The following NCBP1 variants were observed in gnomAD, a reference collection of about 807,000 sequenced individuals.
The protein encoded by NCBP1 is nuclear cap-binding protein subunit 1.
A neutral mutation model predicts 111.7 loss-of-function variants in NCBP1; 16 were observed. The ratio of observed to expected loss-of-function variants is 0.14; its 90% confidence interval spans 0.10 to 0.22. The LOEUF (loss-of-function observed/expected upper bound fraction) is 0.22. Ranked by LOEUF, NCBP1 falls within the 10% of genes least tolerant of loss-of-function variation. The pLI is 1.00. For missense variants in NCBP1, 607 were observed against 957.5 expected, an observed-to-expected ratio of 0.63 and a Z score of 4.83; for synonymous variants, 304 against 314.3, an observed-to-expected ratio of 0.97 and a Z score of 0.35.
chr9:97,658,786 T>C, intron 15 of NCBP1, 43 bp downstream of exon 15: 1 of 1,397,048 alleles, frequency 7.2e-7, no homozygotes, highest in Non-Finnish European at 1.0e-6. Context: ...AAGGTACCAG[T>C]TCAAGTATAT....
intron 8 of NCBP1, 33 bp downstream of exon 8, chr9:97,648,256 C>G: frequency 6.3e-7 from 1 of 1,589,888 alleles, no homozygotes; most frequent in African/African-American, 1.3e-5. Flanking sequence ...TAGATATTGA[C>G]CTGTGTTGCA....
intron 21 of NCBP1, 34 bp downstream of exon 21, chr9:97,669,008 AAAC>A: frequency 6.4e-7 from 1 of 1,554,500 alleles, no homozygotes; most frequent in Non-Finnish European, 8.7e-7. Flanking sequence ...ACATAAAAGG[AAAC>A]AATACATTTC....
intron 14 of NCBP1, among the ~76,000 whole-genome samples, chr9:97,656,304 G>A (rs556014771): frequency 7.2e-5 from 11 of 152,322 alleles, no homozygotes; most frequent in South Asian, 4.1e-4. Flanking sequence ...GTCACAGGCC[G>A]GGCGCAGTGG....
intron 8 of NCBP1, among the ~76,000 whole-genome samples, chr9:97,649,689 A>G (rs1350579803): frequency 6.6e-6 from 1 of 152,036 alleles, no homozygotes; most frequent in African/African-American, 2.4e-5. Context: ...AGATATGTCT[A>G]ACTGAAAATC....
chr9:97,655,011 T>C (rs1334218235), intron 12 of NCBP1, 67 bp downstream of exon 12: 2 of 1,273,556 alleles, frequency 1.6e-6, no homozygotes, highest in Non-Finnish European at 2.1e-6. Context: ...ATAAAGGAAT[T>C]TGAGAAAGAC....
intron 1 of NCBP1, chr9:97,634,389 G>C (rs1309697759): frequency 6.3e-6 from 1 of 158,304 alleles, no homozygotes; most frequent in African/African-American, 2.4e-5. Flanking sequence ...GTTATCCGTT[G>C]ATTTCACTTC....
chr9:97,668,260 A>G (rs968910319), intron 20 of NCBP1, among the ~76,000 whole-genome samples: 1 of 152,188 alleles, frequency 6.6e-6, no homozygotes, highest in African/African-American at 2.4e-5. Context: ...ATGGAAATAA[A>G]CCATGCCTTG....
intron 3 of NCBP1, among the ~76,000 whole-genome samples, chr9:97,642,137 G>A (rs1827222133): frequency 6.6e-6 from 1 of 152,022 alleles, no homozygotes. Flanking sequence ...TCCATGAGGT[G>A]TTTTTAAATT....
At chr9:97,642,581 A>G (rs1827232559) in intron 3 of NCBP1, among the ~76,000 whole-genome samples, 1 of 152,132 alleles carries the variant, frequency 6.6e-6, no homozygotes, top group Non-Finnish European at 1.5e-5. Context: ...AATAACTTTA[A>G]TGAAATCAGC....
chr9:97,640,444 G>A (rs140135569), intron 1 of NCBP1, among the ~76,000 whole-genome samples: 2,586 of 152,192 alleles, frequency 0.017, 73 homozygotes, highest in African/African-American at 0.06. Flanking sequence ...TAAAAGAATG[G>A]GAGTAGCGGT....
At chr9:97,661,156 A>T in intron 16 of NCBP1, 88 bp downstream of exon 16, 1 of 1,525,528 alleles carries the variant, frequency 6.6e-7, no homozygotes, top group Non-Finnish European at 8.9e-7. Context: ...ATGCTCTTAA[A>T]GCAATATATC....
In NCBP1 at chr9:97,641,633, G is replaced by A. The variant is rs1564018148; in HGVS notation, c.195G>A (p.Lys65=). 1 of 1,608,652 alleles carries A rather than the reference G, an allele frequency of 6.2e-7. No homozygotes were observed. The highest frequency in any genetic ancestry group is 8.5e-7 in the Non-Finnish European group (1 of 1,175,696). Residue 65 remains lysine, a synonymous_variant, in exon 3 of 23, where the codon AAG becomes AAA. Transcript: ENST00000375147. ...TGGAAGCTGATCTTCCTAACTACAA[G>A]AGCAAGATCTTAAGGCTTCTTTGTA... is the stretch of plus-strand genomic sequence containing the variant. ...GVLEADLPNY[K]SKILRLLCTV... is the part of the protein sequence containing the mutation.
intron 5 of NCBP1, among the ~76,000 whole-genome samples, 162 bp from the exon 6 acceptor site, chr9:97,645,449 A>G (rs773737538): frequency 6.6e-6 from 1 of 152,224 alleles, no homozygotes; most frequent in Non-Finnish European, 1.5e-5. Context: ...GATGCTGTCT[A>G]GTAAGATTAG....
chr9:97,650,376 T>C (rs1827466710), intron 8 of NCBP1, 127 bp from the exon 9 acceptor site: 2 of 600,884 alleles, frequency 3.3e-6, no homozygotes, highest in Non-Finnish European at 5.7e-6. Context: ...GCTTTAACAC[T>C]TCAGAACTTT....
intron 14 of NCBP1, among the ~76,000 whole-genome samples, chr9:97,656,320 G>A (rs565144243): frequency 2.6e-5 from 4 of 152,240 alleles, no homozygotes; most frequent in Non-Finnish European, 5.9e-5. Context: ...AGTGGCTCAC[G>A]CCTGTAATCC....
chr9:97,655,907 T>G, intron 13 of NCBP1, 104 bp from the exon 14 acceptor site: 1 of 1,359,230 alleles, frequency 7.4e-7, no homozygotes, highest in Non-Finnish European at 1.0e-6. Context: ...AATTATAACT[T>G]AACAAAACTT....
At chr9:97,640,242 TC>T (rs1388632120) in intron 1 of NCBP1, among the ~76,000 whole-genome samples, 2 of 152,200 alleles carry the variant, frequency 1.3e-5, no homozygotes, top group Non-Finnish European at 2.9e-5. Context: ...TGCTCCTTTT[TC>T]CCATCTTTTG....
chr9:97,658,956 C>G (rs957475540), intron 15 of NCBP1, among the ~76,000 whole-genome samples: 1 of 152,174 alleles, frequency 6.6e-6, no homozygotes, highest in Non-Finnish European at 1.5e-5. Flanking sequence ...ACTGGCTTAT[C>G]ATTTTTTCTC....
At chr9:97,645,041 C>A in intron 4 of NCBP1, 76 bp from the exon 5 acceptor site, 1 of 1,090,172 alleles carries the variant, frequency 9.2e-7, no homozygotes, top group South Asian at 1.3e-5. Flanking sequence ...ATAGTTTAGC[C>A]TATACAAGAT....
Sources: allele counts gnomAD v4.1 joint callset (sites outside exome capture counted in the v4.1 genomes callset), GRCh38; gene constraint gnomAD v4.1.1; transcripts MANE v1.5; gene names NCBI Gene and HGNC (gene_info 2026-07-23, HGNC 2026-07-21).